Variants in PLEKHG1 observed in about 807,000 individuals in gnomAD.
The protein encoded by PLEKHG1 is pleckstrin homology domain-containing family G member 1.
PLEKHG1 carries 44 observed loss-of-function variants against 100.8 expected under a neutral mutation model. That is an observed-to-expected ratio of 0.44 (90% CI 0.34 to 0.56). The LOEUF is 0.56. PLEKHG1 is among the 20% of genes least tolerant of loss of function. The pLI is 0.01. For synonymous variants in PLEKHG1, 640 were observed against 662.5 expected (o/e 0.97, Z 0.52); for missense variants, 1,545 against 1,720.9 (o/e 0.90, Z 1.81).
chr6:150,794,053 G>C (rs1253824396), intron 4 of PLEKHG1, among the ~76,000 whole-genome samples: 1 of 152,216 alleles, frequency 6.6e-6, no homozygotes, highest in Non-Finnish European at 1.5e-5. Flanking sequence ...CTGCACTCCA[G>C]CCTGGGCAAC....
intron 14 of PLEKHG1, chr6:150,828,141 G>A: frequency 6.2e-7 from 1 of 1,613,566 alleles, no homozygotes. Context: ...CAATTATACT[G>A]ATAGGAATCT....
Position 150,666,315 on chromosome 6 carries a change from T to C in PLEKHG1, c.-99+15529T>C, listed in dbSNP as rs140906747. 4.0e-3 allele frequency among the ~76,000 whole-genome samples: 614 copies of C among 152,300 alleles called. 2 individuals carry two copies. The highest frequency in any genetic ancestry group is 0.014 in the African/African-American group (577 of 41,572). ...AGAGAGTTTAGGAACAAGCATAAAC[T>C]TGGCCTTCCTCTCATTACACTGAGT... On this transcript the variant is annotated intron_variant, in intron 3 of 3. Transcript: ENST00000367326.
intron 14 of PLEKHG1, among the ~76,000 whole-genome samples, chr6:150,826,478 C>T (rs1776618041): frequency 6.6e-6 from 1 of 151,992 alleles, no homozygotes. Context: ...AACATGATAG[C>T]TAATATCATT....
chr6:150,748,766 C>T (rs531961698), intron 2 of PLEKHG1, among the ~76,000 whole-genome samples: 4 of 151,732 alleles, frequency 2.6e-5, no homozygotes, highest in Admixed American at 1.3e-4. Context: ...GGATTACAGA[C>T]GCACCCCCAC....
intron 2 of PLEKHG1, among the ~76,000 whole-genome samples, chr6:150,751,898 T>C (rs1783532225): frequency 1.3e-5 from 2 of 152,156 alleles, no homozygotes; most frequent in Admixed American, 1.3e-4. Flanking sequence ...ATCTCAAATA[T>C]ATTGTAGTGG....
intron 2 of PLEKHG1, among the ~76,000 whole-genome samples, chr6:150,753,371 T>C (rs1003850664): frequency 3.9e-5 from 6 of 152,110 alleles, no homozygotes; most frequent in Non-Finnish European, 8.8e-5. Context: ...GAAAAAAGCC[T>C]TTATCTCTTT....
At chr6:150,829,988 A>G (rs928813135) in intron 14 of PLEKHG1, among the ~76,000 whole-genome samples, 33 of 152,204 alleles carry the variant, frequency 2.2e-4, no homozygotes, top group African/African-American at 7.0e-4. Context: ...ACTTCTATAC[A>G]TATTAATTTA....
At chr6:150,818,849 CTACTT>C (rs1776135237) in intron 11 of PLEKHG1, among the ~76,000 whole-genome samples, 1 of 152,228 alleles carries the variant, frequency 6.6e-6, no homozygotes, top group Non-Finnish European at 1.5e-5. Context: ...GAAAACACTT[CTACTT>C]TACTTAACCC....
chr6:150,724,246 TC>T (rs1403927194), intron 1 of PLEKHG1, among the ~76,000 whole-genome samples: 1 of 152,278 alleles, frequency 6.6e-6, no homozygotes, highest in Non-Finnish European at 1.5e-5. Flanking sequence ...AGAAATAGAC[TC>T]CCAAAGGGGC....
chr6:150,686,336 C>T (rs1481763796), intron 3 of PLEKHG1, among the ~76,000 whole-genome samples: 1 of 152,204 alleles, frequency 6.6e-6, no homozygotes, highest in Non-Finnish European at 1.5e-5. Context: ...ATTAGAAATA[C>T]TTTTCTTATA....
chr6:150,602,988 G>A (rs1165493955), intron 1 of PLEKHG1, among the ~76,000 whole-genome samples: 5 of 147,534 alleles, frequency 3.4e-5, no homozygotes, highest in Non-Finnish European at 5.9e-5. Flanking sequence ...GGCTGAGGCA[G>A]GAGAATGGCG....
At chr6:150,611,720 G>C (rs1419020512) in intron 1 of PLEKHG1, among the ~76,000 whole-genome samples, 1 of 151,614 alleles carries the variant, frequency 6.6e-6, no homozygotes, top group Non-Finnish European at 1.5e-5. Flanking sequence ...GCTAAGGCAG[G>C]AGAGTCGCTT....
chr6:150,686,253 G>A (rs1230333179), intron 3 of PLEKHG1, among the ~76,000 whole-genome samples: 1 of 152,156 alleles, frequency 6.6e-6, no homozygotes, highest in Non-Finnish European at 1.5e-5. Context: ...TACTTGATTC[G>A]GATTTTTATT....
At chr6:150,714,797 C>T (rs1357566349) in intron 3 of PLEKHG1, among the ~76,000 whole-genome samples, 2 of 151,248 alleles carry the variant, frequency 1.3e-5, no homozygotes, top group African/African-American at 2.4e-5. Flanking sequence ...AGACCTATGT[C>T]TTTTGCTGAC....
chr6:150,661,161 C>G (rs1462673439), intron 3 of PLEKHG1, among the ~76,000 whole-genome samples: 1 of 152,194 alleles, frequency 6.6e-6, no homozygotes, highest in African/African-American at 2.4e-5. Context: ...CTCGCCTTGT[C>G]TACATGGTGA....
chr6:150,740,103 A>G (rs1295987786), intron 2 of PLEKHG1, among the ~76,000 whole-genome samples: 4 of 152,244 alleles, frequency 2.6e-5, no homozygotes, highest in Admixed American at 2.6e-4. Flanking sequence ...GAGCTTGTGC[A>G]GTGATTTCAG....
chr6:150,742,564 CAAAAAAAAAAAAAAAAAAA>C (rs58003146), intron 2 of PLEKHG1, among the ~76,000 whole-genome samples: 1 of 48,354 alleles, frequency 2.1e-5, no homozygotes, highest in Non-Finnish European at 3.6e-5. Flanking sequence ...GACTCCATCT[CAAAAAAAAAAAAAAAAAAA>C]AAAAAAAAAG....
chr6:150,771,440 TGAAC>T (rs1224407245), intron 3 of PLEKHG1, among the ~76,000 whole-genome samples: 105 of 151,838 alleles, frequency 6.9e-4, no homozygotes, highest in African/African-American at 2.4e-3. Flanking sequence ...AATGAATGAA[TGAAC>T]GAACGAACGA....
At chr6:150,817,917 C>G (rs997502110) in intron 10 of PLEKHG1, among the ~76,000 whole-genome samples, 1 of 151,996 alleles carries the variant, frequency 6.6e-6, no homozygotes, top group South Asian at 2.1e-4. Flanking sequence ...AGCCAGGCTT[C>G]GGAACCAGCC....
Sources: gnomAD v4.1 joint callset for allele counts (sites outside exome capture counted in the v4.1 genomes callset) on GRCh38, gnomAD v4.1.1 for gene constraint, MANE v1.5 for transcripts, NCBI Gene and HGNC (gene_info 2026-07-23, HGNC 2026-07-21) for gene names.